The following KLHDC3 variants were observed in gnomAD, a reference collection of about 807,000 sequenced individuals.
KLHDC3 encodes kelch domain containing 3, also known as kelch domain-containing protein 3.
In KLHDC3, 5 loss-of-function variants were observed where a neutral mutation model predicts 44.1. That is an observed-to-expected ratio of 0.11 (90% confidence interval 0.06 to 0.24). The LOEUF (loss-of-function observed/expected upper bound fraction) is 0.24. Ranked by LOEUF, KLHDC3 falls within the 10% of genes least tolerant of loss-of-function variation. The probability of loss-of-function intolerance (pLI) is 1.00; values close to 1 mark genes in which losing one functional copy is unlikely to be tolerated. For synonymous variants in KLHDC3, 170 were observed against 189.0 expected (o/e 0.90, Z 0.82); for missense variants, 247 against 514.3 (o/e 0.48, Z 5.03).
chr6:43,016,322 A>G (rs1444405087), intron 1 of KLHDC3: 1 of 152,274 alleles, frequency 6.6e-6, no homozygotes, highest in African/African-American at 2.4e-5. Context: ...TCTACTGGAA[A>G]TGGCTTGTTC....
In KLHDC3 at chr6:43,017,461, G is replaced by A; in HGVS notation, c.155-58G>A. ...GGGATTGGGGACAAACATCTGGTTT[G>A]GGAAAAGTGGACAGCCTGGAGGGAG... On this transcript the variant is annotated intron_variant, in intron 2 of 10. Coordinates refer to ENST00000326974, the MANE Select transcript of KLHDC3 (RefSeq NM_057161.4). This position sits in a 1 kb window ranked among gnomAD's most constrained non-coding sequence, Gnocchi z 6.0. 6.4e-7 allele frequency: 1 copy of A among 1,561,884 alleles called. No individual in the cohort carries two copies. Among genetic ancestry groups the A allele is most frequent in the Non-Finnish European group, 8.7e-7 (1 of 1,150,004 alleles).
rs1428726267 is a variant in KLHDC3 at position 43,019,098 on chromosome 6, T to A, written c.936T>A (p.Ser312=). 1 of 1,613,216 alleles carries A rather than the reference T, an allele frequency of 6.2e-7. No homozygotes were observed. Among genetic ancestry groups the A allele is most frequent in the Admixed American group, 1.7e-5 (1 of 59,994 alleles). ...TCTCTTTTGATCCCGACAGTCCATC[T>A]CCTGAGGAAGGCCTGGGAGATGAAT... The part of the protein sequence containing the change: ...KIVLFGGTSP[S]PEEGLGDEFD... Residue 312 remains serine, a synonymous_variant, in exon 9 of 11, where the codon TCT becomes TCA. Transcript: ENST00000326974.
At position 43,020,922 on chromosome 6, in the gene KLHDC3, C is replaced by A. The variant is rs745865247; in HGVS notation, c.*189C>A. The A allele has an allele frequency of 1.2e-5, 8 of 667,604 alleles. No individual in the cohort carries two copies. The highest frequency in any genetic ancestry group is 5.3e-5 in the African/African-American group (3 of 56,210). The allele number at this position is 667,604 out of a possible 1,614,324, so 41.4% of individuals were successfully genotyped here. On this transcript the variant is annotated 3_prime_UTR_variant, in exon 11 of 11. Transcript: ENST00000326974. ...GCGGGGTGGGGGCTAGGTTCCTCCC[C>A]CCTTGGGCCGAGGGCCCCTTCCCCT...
At chr6:43,016,022 G>A (rs534388252) in intron 1 of KLHDC3, among the ~76,000 whole-genome samples, 2 of 148,326 alleles carry the variant, frequency 1.3e-5, no homozygotes, top group African/African-American at 5.0e-5. Flanking sequence ...TCCAACCTCC[G>A]CCACCCGAGT....
rs367713118 is a variant in KLHDC3, at chr6:43,018,313, C to T, written c.520-30C>T. ...GATCCTCTTCCAGTCTTTGTGCTGACCCCTCCACCATCTCTCTGCCTCTGC... is the reference window on the plus strand; with the variant it reads ...GATCCTCTTCCAGTCTTTGTGCTGATCCCTCCACCATCTCTCTGCCTCTGC... On this transcript the variant is annotated intron_variant, in intron 5 of 10. Coordinates refer to ENST00000326974, the MANE Select transcript of KLHDC3 (RefSeq NM_057161.4). The surrounding 1 kb of genome is among the most constrained non-coding windows in gnomAD (Gnocchi z 6.0). 6.2e-7 allele frequency: 1 copy of T among 1,600,166 alleles called. No homozygotes were observed. The highest frequency in any genetic ancestry group is 8.6e-7 in the Non-Finnish European group (1 of 1,168,080).
rs1440521786 is a variant in KLHDC3 at position 43,018,957 on chromosome 6, C to T, written c.915C>T (p.Leu305=). The change falls in exon 8 of 11, where the codon CTC becomes CTT. Residue 305 remains leucine, a synonymous_variant. Coordinates refer to ENST00000326974, the MANE Select transcript of KLHDC3 (RefSeq NM_057161.4). The surrounding 1 kb of genome is among the most constrained non-coding windows in gnomAD (Gnocchi z 6.0). ...GTATTGTTGGTGACAAGATTGTCCT[C>T]TTTGGGGGTACCAGGTTAGAAGGAG... ...CCCIVGDKIV[L]FGGTSPSPEE... 3.1e-6 allele frequency: 5 copies of T among 1,610,514 alleles called. No individual in the cohort carries two copies. Among genetic ancestry groups the T allele is most frequent in the Non-Finnish European group, 4.2e-6 (5 of 1,177,758 alleles).
At chr6:43,019,947 T>C (rs1581879609) in intron 10 of KLHDC3, among the ~76,000 whole-genome samples, 1 of 152,078 alleles carries the variant, frequency 6.6e-6, no homozygotes, top group Non-Finnish European at 1.5e-5. Context: ...GAGGTTGAGG[T>C]GGGCAAATCA....
Position 43,021,056 on chromosome 6 carries a change from C to T in KLHDC3, c.*323C>T. The stretch of plus-strand genomic sequence containing the variant: ...GAAGGGAATGGGGAGAAGGGAGAAG[C>T]AAGCAGTGTCTGAGCCTCAGGAGCT... On this transcript the variant is annotated 3_prime_UTR_variant, in exon 11 of 11. Coordinates refer to ENST00000326974, the MANE Select transcript of KLHDC3 (RefSeq NM_057161.4). The T allele has an allele frequency of 1.9e-6, 1 of 522,332 alleles. No individual in the cohort carries two copies. The highest frequency in any genetic ancestry group is 1.5e-5 in the South Asian group (1 of 65,158). The allele number at this position is 522,332 out of a possible 1,614,324, so 32.4% of individuals were successfully genotyped here. A position where few individuals can be genotyped will look rare whatever the true frequency, so the allele number is the denominator to read the frequency against.
chr6:43,017,828 T>G lies in KLHDC3; in HGVS notation c.332-25T>G. 1 of 1,603,488 alleles carries G rather than the reference T, an allele frequency of 6.2e-7. No homozygotes were observed. Among genetic ancestry groups the G allele is most frequent in the South Asian group, 1.1e-5 (1 of 90,892 alleles). ...GGGACTGTCATAGAGGGTGCTTAGTTGAGCCATTTTCTCATCTCCTTCAGA... is the reference window on the plus strand; with the variant it reads ...GGGACTGTCATAGAGGGTGCTTAGTGGAGCCATTTTCTCATCTCCTTCAGA... On this transcript the variant is annotated intron_variant, in intron 3 of 10. Coordinates refer to ENST00000326974, the MANE Select transcript of KLHDC3 (RefSeq NM_057161.4). The surrounding 1 kb of genome is among the most constrained non-coding windows in gnomAD (Gnocchi z 6.0).
rs752891904 is a variant in KLHDC3 at position 43,019,386 on chromosome 6, G to T, written c.1082+20G>T. The T allele has an allele frequency of 1.9e-6, 3 of 1,570,628 alleles. No individual in the cohort carries two copies. In the South Asian group the frequency reaches 3.3e-5, roughly 17 times the overall value. Reference sequence around the variant, plus strand: ...TATCAGGTACAGCGAGTGGTTGGAAGGGAGGGATTGAGTGAGGGTGAGTGA... The same window carrying T: ...TATCAGGTACAGCGAGTGGTTGGAATGGAGGGATTGAGTGAGGGTGAGTGA... On this transcript the variant is annotated intron_variant, in intron 10 of 10. Coordinates refer to ENST00000326974, the MANE Select transcript of KLHDC3 (RefSeq NM_057161.4).
intron 1 of KLHDC3, among the ~76,000 whole-genome samples, chr6:43,016,172 A>T (rs935408321): frequency 2.0e-5 from 3 of 151,920 alleles, no homozygotes; most frequent in East Asian, 3.9e-4. Flanking sequence ...TGATCTCGTG[A>T]TCCACCTGCC....
At chr6:43,014,846 T>G (rs913930058) in intron 1 of KLHDC3, among the ~76,000 whole-genome samples, 16 of 150,684 alleles carry the variant, frequency 1.1e-4, no homozygotes, top group Admixed American at 1.1e-3. Flanking sequence ...GGGCGAGAAA[T>G]GGGGAATAAA....
chr6:43,018,656 A>G lies in KLHDC3; in HGVS notation c.757A>G (p.Ile253Val). 1.2e-6 allele frequency: 2 copies of G among 1,614,082 alleles called. No homozygotes were observed. The highest frequency in any genetic ancestry group is 1.7e-6 in the Non-Finnish European group (2 of 1,180,006). Residue 253 changes from isoleucine (I) to valine (V), a missense_variant, in exon 7 of 11, where the codon ATC becomes GTC. By Grantham distance (29) the Ile-to-Val change is conservative (BLOSUM62 3). Transcript: ENST00000326974. The surrounding 1 kb of genome is among the most constrained non-coding windows in gnomAD (Gnocchi z 6.0). ...SAFGYNGELY[I>V]FGGYNARLNR... Reference sequence around the variant, plus strand: ...AGTTGGCTACAATGGGGAGCTGTACATCTTTGGTGGTTATAATGCAAGGCT... The same window carrying G: ...AGTTGGCTACAATGGGGAGCTGTACGTCTTTGGTGGTTATAATGCAAGGCT...
chr6:43,020,958 T>TC lies in KLHDC3; in HGVS notation c.*229dup, dbSNP rs1762679288. On this transcript the variant is annotated 3_prime_UTR_variant, in exon 11 of 11. Transcript: ENST00000326974. ...AGGGCCCCTTCCCCTTGGTGCTCTGTCCCCATCCACCTCCTTTCAGCTGCT... is the reference window on the plus strand; with the variant it reads ...AGGGCCCCTTCCCCTTGGTGCTCTGTCCCCCATCCACCTCCTTTCAGCTGCT... The TC allele has an allele frequency of 1.5e-6, 1 of 656,638 alleles. No homozygotes were observed. The highest frequency in any genetic ancestry group is 2.8e-6 in the Non-Finnish European group (1 of 357,074). The allele number at this position is 656,638 out of a possible 1,614,324, so 40.7% of individuals were successfully genotyped here.
In KLHDC3 at chr6:43,020,952, G is replaced by C; in HGVS notation, c.*219G>C. ...GGGCCGAGGGCCCCTTCCCCTTGGT[G>C]CTCTGTCCCCATCCACCTCCTTTCA... On this transcript the variant is annotated 3_prime_UTR_variant, in exon 11 of 11. Transcript: ENST00000326974. The C allele has an allele frequency of 1.5e-6, 1 of 661,114 alleles. No homozygotes were observed. Among genetic ancestry groups the C allele is most frequent in the Non-Finnish European group, 2.8e-6 (1 of 360,038 alleles). The allele number at this position is 661,114 out of a possible 1,614,324, so 41.0% of individuals were successfully genotyped here. A position where few individuals can be genotyped will look rare whatever the true frequency, so the allele number is the denominator to read the frequency against.
At chr6:43,016,054 G>A (rs192378284) in intron 1 of KLHDC3, among the ~76,000 whole-genome samples, 3 of 151,856 alleles carry the variant, frequency 2.0e-5, no homozygotes, top group Non-Finnish European at 4.4e-5. Context: ...TCCTGCCTCA[G>A]CCTCCTGAGT....
In KLHDC3 at chr6:43,021,116, C is replaced by T. The variant is rs1762687136; in HGVS notation, c.*383C>T. Reference sequence around the variant, plus strand: ...CCCTTTGCCTATCCCCTCCCCTCTGCTTGAGCCTTGAGCCTTGACTGGGAG... The same window carrying T: ...CCCTTTGCCTATCCCCTCCCCTCTGTTTGAGCCTTGAGCCTTGACTGGGAG... On this transcript the variant is annotated 3_prime_UTR_variant, in exon 11 of 11. Coordinates refer to ENST00000326974, the MANE Select transcript of KLHDC3 (RefSeq NM_057161.4). 8.5e-6 allele frequency: 4 copies of T among 471,538 alleles called. No homozygotes were observed. Among genetic ancestry groups the T allele is most frequent in the Admixed American group, 7.0e-5 (3 of 42,898 alleles). 29.2% of individuals were successfully genotyped at this position (471,538 alleles called of 1,614,324 possible). A position where few individuals can be genotyped will look rare whatever the true frequency, so the allele number is the denominator to read the frequency against.
chr6:43,017,438 G>T lies in KLHDC3; in HGVS notation c.155-81G>T. On this transcript the variant is annotated intron_variant, in intron 2 of 10. Coordinates refer to ENST00000326974, the MANE Select transcript of KLHDC3 (RefSeq NM_057161.4). This position sits in a 1 kb window ranked among gnomAD's most constrained non-coding sequence, Gnocchi z 6.0. ...TGGCTGTGGTCTCTGGGACCAAGGGGATTGGGGACAAACATCTGGTTTGGG... is the reference window on the plus strand; with the variant it reads ...TGGCTGTGGTCTCTGGGACCAAGGGTATTGGGGACAAACATCTGGTTTGGG... The T allele has an allele frequency of 6.4e-7, 1 of 1,564,596 alleles. No homozygotes were observed. Among genetic ancestry groups the T allele is most frequent in the Non-Finnish European group, 8.7e-7 (1 of 1,151,020 alleles).
At chr6:43,014,627 AG>A (rs1379722817) in intron 1 of KLHDC3, 2 of 456,532 alleles carry the variant, frequency 4.4e-6, no homozygotes, top group Admixed American at 4.7e-5. Flanking sequence ...ATGGAAGGGG[AG>A]GGGTGTCTGG....
Sources: gnomAD v4.1 joint callset for allele counts (sites outside exome capture counted in the v4.1 genomes callset) on GRCh38, gnomAD v4.1.1 for gene constraint, Gnocchi (gnomAD v3.1) non-coding constraint, MANE v1.5 for transcripts, NCBI Gene and HGNC (gene_info 2026-07-23, HGNC 2026-07-21) for gene names.